The following HUWE1 variants were observed in gnomAD, a reference collection of about 807,000 sequenced individuals.
HUWE1 encodes the protein HECT, UBA and WWE domain containing E3 ubiquitin protein ligase 1, also known as E3 ubiquitin-protein ligase HUWE1.
In HUWE1, 18 loss-of-function variants were observed where a neutral mutation model predicts 299.4. That is an observed-to-expected ratio of 0.06 (90% CI 0.04 to 0.09). HUWE1 has a LOEUF of 0.09. HUWE1 is among the 10% of genes least tolerant of loss of function. The pLI is 1.00. For missense variants in HUWE1, 1,832 were observed against 3,462.3 expected, an observed-to-expected ratio of 0.53 and a Z score of 11.82; for synonymous variants, 1,317 against 1,286.1, an observed-to-expected ratio of 1.02 and a Z score of -0.51.
intron 5 of HUWE1, 92 bp from the exon 6 acceptor site, chrX:53,647,666 G>A (rs1603247964): frequency 3.0e-6 from 2 of 665,560 alleles, no homozygotes; most frequent in Non-Finnish European, 5.0e-6. Context: ...AGATTGCTGA[G>A]CATGACACCT....
chrX:53,552,472 G>A, intron 62 of HUWE1, 31 bp from the exon 63 acceptor site: 1 of 1,209,109 alleles, frequency 8.3e-7, no homozygotes, highest in Non-Finnish European at 1.1e-6. Context: ...GTTGCTGTCT[G>A]TATTATGTCT....
chrX:53,544,955 C>G, intron 71 of HUWE1, 74 bp downstream of exon 71: 1 of 1,117,838 alleles, frequency 8.9e-7, no homozygotes, highest in Non-Finnish European at 1.2e-6. Context: ...TAAAAAAGAC[C>G]AGGAAACCAG....
At chrX:53,662,945 A>G (rs781963897) in intron 3 of HUWE1, among the ~76,000 whole-genome samples, 1 of 111,719 alleles carries the variant, frequency 9.0e-6, no homozygotes, top group African/African-American at 3.3e-5. Context: ...ACAATACAAT[A>G]AAAGTGTAAA....
In HUWE1 at chrX:53,548,042, G is replaced by A. The variant is rs2061619510; in HGVS notation, c.10267C>T (p.Pro3423Ser). The A allele has an allele frequency of 1.7e-6, 2 of 1,210,927 alleles. No individual in the cohort carries two copies. The highest frequency in any genetic ancestry group is 3.0e-5 in the East Asian group (1 of 33,811). ...VSAGGEGETSPYSLEASPLGQ... is the reference protein window; with the variant it reads ...VSAGGEGETSSYSLEASPLGQ... ...AGTGGAGAGGCCTCGAGGCTGTATG[G>A]AGAGGTTTCCCCCTCACCGCCAGCG... Residue 3423 changes from proline to serine, a missense_variant, in exon 68 of 84, where the codon CCA (proline) becomes TCA (serine). This residue lies in a region of HUWE1 where 119 missense variants were observed against 124.6 expected (regional missense o/e 0.96). Coordinates refer to ENST00000262854, the MANE Select transcript of HUWE1 (RefSeq NM_031407.7).
At position 53,595,243 on chromosome X, in the gene HUWE1, G is replaced by C; in HGVS notation, c.3324C>G (p.Leu1108=). The change falls in exon 30 of 84, where the codon CTC becomes CTG. Residue 1108 remains leucine, a synonymous_variant. Coordinates refer to ENST00000262854, the MANE Select transcript of HUWE1 (RefSeq NM_031407.7). ...ARSTASALTK[L]LTKGLSWQPP... ...GCTGCCAAGATAACCCCTTAGTCAA[G>C]AGCTTAGTGAGAGCTGAGGCTGTTG... The C allele has an allele frequency of 8.3e-7, 1 of 1,211,465 alleles. No individual in the cohort carries two copies. The highest frequency in any genetic ancestry group is 1.1e-6 in the Non-Finnish European group (1 of 895,487).
At chrX:53,593,791 T>A (rs1182214516) in intron 31 of HUWE1, among the ~76,000 whole-genome samples, 190 bp from the exon 32 acceptor site, 2 of 112,401 alleles carry the variant, frequency 1.8e-5, no homozygotes, top group African/African-American at 6.5e-5. Flanking sequence ...CCTCCGTTAC[T>A]TTTTAGAGTC....
At chrX:53,599,126 C>G (rs2148570835) in intron 29 of HUWE1, among the ~76,000 whole-genome samples, 1 of 111,868 alleles carries the variant, frequency 8.9e-6, no homozygotes, top group African/African-American at 3.2e-5. Context: ...AGGCCAGTAA[C>G]CAAAGAGAAA....
At chrX:53,563,705 G>A (rs782812573) in intron 52 of HUWE1, 41 bp downstream of exon 52, 30 of 1,190,074 alleles carry the variant, frequency 2.5e-5, no homozygotes, top group Non-Finnish European at 3.3e-5. Context: ...AAGAGAGACT[G>A]AGGCAAAGGA....
At chrX:53,577,107 G>A (rs2063140808) in intron 43 of HUWE1, 40 bp from the exon 44 acceptor site, 8 of 1,042,310 alleles carry the variant, frequency 7.7e-6, no homozygotes, top group Admixed American at 2.2e-5. Context: ...CAATCATGAA[G>A]CAGTACCTAA....
At position 53,539,029 on chromosome X, in the gene HUWE1, T is replaced by C. The variant is rs782304523; in HGVS notation, c.11684A>G (p.Glu3895Gly). 1 of 1,206,167 alleles carries C rather than the reference T, an allele frequency of 8.3e-7. No individual in the cohort carries two copies. Among genetic ancestry groups the C allele is most frequent in the African/African-American group, 1.8e-5 (1 of 56,533 alleles). Residue 3895 changes from glutamate to glycine, a missense_variant, in exon 76 of 84, where the codon GAG (glutamate) becomes GGG (glycine). Coordinates refer to ENST00000262854, the MANE Select transcript of HUWE1 (RefSeq NM_031407.7). ...AFFLVHATER[E>G]SKPPVRDTRE... ...GGTGTCTCGGACAGGAGGCTTGCTC[T>C]CCCGCTCTGTGGCATGGACCAGAAA...
intron 63 of HUWE1, 144 bp from the exon 64 acceptor site, chrX:53,551,624 C>T (rs2061768714): frequency 7.4e-6 from 4 of 540,961 alleles, no homozygotes; most frequent in Non-Finnish European, 9.5e-6. Context: ...GTCTTCCTGC[C>T]TCAGCATCTT....
At position 53,589,535 on chromosome X, in the gene HUWE1, T is replaced by A. The variant is rs782643422; in HGVS notation, c.4461+12A>T. On this transcript the variant is annotated intron_variant, in intron 36 of 83. Transcript: ENST00000262854. ...TCACATACTCCCCTCTTCTGACCCC[T>A]TGAGAGCTCACCTGATTGACTACTT... The A allele has an allele frequency of 8.3e-7, 1 of 1,207,910 alleles. No individual in the cohort carries two copies. The highest frequency in any genetic ancestry group is 1.1e-6 in the Non-Finnish European group (1 of 893,346).
chrX:53,536,339 C>T (rs1311719785), intron 79 of HUWE1, 41 bp downstream of exon 79: 8 of 1,195,824 alleles, frequency 6.7e-6, no homozygotes, highest in Non-Finnish European at 9.1e-6. Context: ...GACCAGACCC[C>T]CAGGACTGAA....
At position 53,580,296 on chromosome X, in the gene HUWE1, C is replaced by G. The variant is rs1447364891; in HGVS notation, c.5716+535G>C. 3.6e-5 allele frequency among the ~76,000 whole-genome samples: 4 copies of G among 112,193 alleles called. No individual in the cohort carries two copies. The Admixed American group carries it at 3.8e-4, about 11-fold the overall frequency. On this transcript the variant is annotated intron_variant, in intron 43 of 83. Transcript: ENST00000262854. ...CCCAACCAAGGCTGGTGGTGATTAT[C>G]TCTCTAGTCTACTTTTCTCTATAAG...
At chrX:53,563,935 G>C in intron 51 of HUWE1, 114 bp from the exon 52 acceptor site, 1 of 844,269 alleles carries the variant, frequency 1.2e-6, no homozygotes, top group South Asian at 2.2e-5. Context: ...ACATGTGACA[G>C]AGGATGTTAC....
At chrX:53,645,075 C>T (rs999482172) in intron 7 of HUWE1, among the ~76,000 whole-genome samples, 2 of 112,073 alleles carry the variant, frequency 1.8e-5, no homozygotes, top group Non-Finnish European at 3.8e-5. Flanking sequence ...AGTGAAATTG[C>T]CACTTTTGAA....
intron 7 of HUWE1, among the ~76,000 whole-genome samples, chrX:53,635,259 T>C (rs1352164886): frequency 2.7e-5 from 3 of 109,541 alleles, no homozygotes; most frequent in African/African-American, 6.5e-5. Flanking sequence ...ATGTAAATTA[T>C]ATAAATTTTA....
chrX:53,558,503 G>T, intron 59 of HUWE1, 152 bp downstream of exon 59: 1 of 548,751 alleles, frequency 1.8e-6, no homozygotes, highest in South Asian at 2.9e-5. Flanking sequence ...CTAAAAACCA[G>T]GTCAATGTAT....
At position 53,536,485 on chromosome X, in the gene HUWE1, A is replaced by C; in HGVS notation, c.12320T>G (p.Phe4107Cys). Residue 4107 changes from phenylalanine (F) to cysteine (C), a missense_variant, in exon 79 of 84, where the codon TTC becomes TGC. Coordinates refer to ENST00000262854, the MANE Select transcript of HUWE1 (RefSeq NM_031407.7). ...SHCNPNHLSY[F>C]KFVGRIVAKA... Reference sequence around the variant, plus strand: ...GGCCACAATGCGTCCGACAAACTTGAAGTAGCTGAGGTGGTTGGGGTTGCA... The same window carrying C: ...GGCCACAATGCGTCCGACAAACTTGCAGTAGCTGAGGTGGTTGGGGTTGCA... 8.3e-7 allele frequency: 1 copy of C among 1,211,210 alleles called. No individual in the cohort carries two copies. Among genetic ancestry groups the C allele is most frequent in the Non-Finnish European group, 1.1e-6 (1 of 895,202 alleles).
Sources: gnomAD v4.1 joint callset for allele counts (sites outside exome capture counted in the v4.1 genomes callset) on GRCh38, gnomAD v4.1.1 for gene constraint, gnomAD v4.1.1 regional missense constraint, MANE v1.5 for transcripts, NCBI Gene and HGNC (gene_info 2026-07-23, HGNC 2026-07-21) for gene names.